The following PISD variants were observed in gnomAD, a reference collection of about 807,000 sequenced individuals.
PISD encodes phosphatidylserine decarboxylase proenzyme, mitochondrial.
Under a neutral mutation model 43.5 loss-of-function variants are expected in PISD, and 31 were observed. That is an observed-to-expected ratio of 0.71 (90% CI 0.54 to 0.96). PISD has a LOEUF of 0.96. Ranked by LOEUF, PISD falls within the 40% of genes least tolerant of loss-of-function variation. The pLI is 0.00. For synonymous variants in PISD, 259 were observed against 228.7 expected (o/e 1.13, Z -1.20); for missense variants, 523 against 548.4 (o/e 0.95, Z 0.46).
intron 1 of PISD, among the ~76,000 whole-genome samples, chr22:31,654,505 A>G (rs892007433): frequency 6.6e-6 from 1 of 152,146 alleles, no homozygotes; most frequent in African/African-American, 2.4e-5. Context: ...TGTAGAAGAC[A>G]GGATTCCCGA....
chr22:31,645,855 T>A lies in PISD; in HGVS notation c.321+2246A>T, dbSNP rs5998065. The stretch of plus-strand genomic sequence containing the variant: ...CTGGGCAACAGAGTGAGACTCCATC[T>A]AAAAAAAAAAAAAAAGAAAAGAAAA... On this transcript the variant is annotated intron_variant, in intron 3 of 7. Transcript: ENST00000439502. 5.3e-3 allele frequency among the ~76,000 whole-genome samples: 571 copies of A among 108,116 alleles called. 9 individuals are homozygous for A. Among genetic ancestry groups the A allele is most frequent in the African/African-American group, 0.016 (494 of 29,962 alleles). 70.9% of individuals were successfully genotyped at this position (108,116 alleles called of 152,430 possible).
chr22:31,629,242 G>A (rs1190476261), intron 3 of PISD: 1 of 984,968 alleles, frequency 1.0e-6, no homozygotes, highest in Non-Finnish European at 1.2e-6. Flanking sequence ...GTGAGGGGTA[G>A]GTGCATGTAG....
chr22:31,632,242 G>A, intron 3 of PISD: 6 of 985,226 alleles, frequency 6.1e-6, no homozygotes, highest in Non-Finnish European at 7.2e-6. Flanking sequence ...GCGGCAGGGG[G>A]AAGAAGACAG....
intron 1 of PISD, among the ~76,000 whole-genome samples, chr22:31,655,076 C>CAAAA (rs1038608958): frequency 2.0e-3 from 112 of 57,084 alleles, no homozygotes; most frequent in Non-Finnish European, 2.9e-3. Context: ...ACTCTATCTC[C>CAAAA]AAAAAAAAAA....
In PISD at chr22:31,640,301, A is replaced by G. The variant is rs560778009; in HGVS notation, c.321+7800T>C. Among the ~76,000 whole-genome samples, 272 of 150,952 alleles carry G rather than the reference A, an allele frequency of 1.8e-3. 1 individual carries two copies. The highest frequency in any genetic ancestry group is 5.8e-3 in the African/African-American group (237 of 41,024). ...GCAACCTCTACCTCCTGGCTCAAGCAATCCTCCCACCTCAGCCTCCCAAGT... is the reference window on the plus strand; with the variant it reads ...GCAACCTCTACCTCCTGGCTCAAGCGATCCTCCCACCTCAGCCTCCCAAGT... On this transcript the variant is annotated intron_variant, in intron 3 of 7. Coordinates refer to ENST00000439502, the MANE Select transcript of PISD (RefSeq NM_001326411.2).
At chr22:31,655,237 C>T (rs753252317) in intron 1 of PISD, among the ~76,000 whole-genome samples, 74 of 151,748 alleles carry the variant, frequency 4.9e-4, no homozygotes, top group Non-Finnish European at 5.3e-4. Context: ...TTATCTGTTA[C>T]AGTACCAACA....
intron 1 of PISD, 90 bp downstream of exon 1, chr22:31,662,054 C>G: frequency 8.0e-7 from 1 of 1,246,700 alleles, no homozygotes; most frequent in South Asian, 1.2e-5. Flanking sequence ...CGCCTCAGAG[C>G]GAGCCCGCGA....
intron 3 of PISD, chr22:31,628,295 C>T: frequency 1.7e-6 from 1 of 581,938 alleles, no homozygotes. Flanking sequence ...AGCAGTGTTT[C>T]TGGCCTCCCT....
intron 3 of PISD, among the ~76,000 whole-genome samples, chr22:31,645,816 C>A (rs1431102581): frequency 1.4e-5 from 2 of 147,270 alleles, no homozygotes; most frequent in African/African-American, 5.0e-5. Context: ...AAGATTGCGC[C>A]ATTGCCTTCC....
At chr22:31,633,414 G>C (rs1309917465) in intron 3 of PISD, among the ~76,000 whole-genome samples, 1 of 152,182 alleles carries the variant, frequency 6.6e-6, no homozygotes, top group Non-Finnish European at 1.5e-5. Flanking sequence ...AGGCAGATGG[G>C]TGTTTAAAAA....
chr22:31,634,432 A>C (rs1307341390), intron 3 of PISD, among the ~76,000 whole-genome samples: 1 of 152,182 alleles, frequency 6.6e-6, no homozygotes. Context: ...TGGCAGTCCC[A>C]CTAGCCTGCA....
chr22:31,629,588 A>G, intron 3 of PISD: 1 of 48,772 alleles, frequency 2.1e-5, no homozygotes, highest in Non-Finnish European at 3.8e-5. Context: ...ATGGGTGTGT[A>G]GGTGCAAGGG....
chr22:31,627,815 C>T (rs955795081), intron 3 of PISD, among the ~76,000 whole-genome samples: 1 of 152,218 alleles, frequency 6.6e-6, no homozygotes, highest in African/African-American at 2.4e-5. Context: ...GCAGGTTCCC[C>T]TGTGAGCCTT....
chr22:31,635,587 A>G (rs1257101307), intron 3 of PISD, among the ~76,000 whole-genome samples: 2 of 152,136 alleles, frequency 1.3e-5, no homozygotes, highest in East Asian at 3.9e-4. Context: ...GTCAGCCACC[A>G]TGCCCCGCTG....
At chr22:31,659,677 C>T (rs538650354) in intron 1 of PISD, among the ~76,000 whole-genome samples, 17 of 152,024 alleles carry the variant, frequency 1.1e-4, no homozygotes, top group South Asian at 8.3e-4. Flanking sequence ...CTGCAACTTC[C>T]GCCTCCCGGG....
rs759191818 is a variant in PISD at position 31,619,699 on chromosome 22, C to T, written c.1143G>A (p.Val381=). ...LGEFNLGSTI[V]LIFEAPKDFN... is the part of the protein sequence containing the mutation. ...AGTCCTTGGGGGCCTCGAAGATGAGCACGATGGTGGAGCCCAGGTTGAACT... is the reference window on the plus strand; with the variant it reads ...AGTCCTTGGGGGCCTCGAAGATGAGTACGATGGTGGAGCCCAGGTTGAACT... The change falls in exon 8 of 8, where the codon GTG becomes GTA. Residue 381 remains valine (V), a synonymous_variant. Coordinates refer to ENST00000439502, the MANE Select transcript of PISD (RefSeq NM_001326411.2). 1.9e-5 allele frequency: 31 copies of T among 1,614,122 alleles called. No homozygotes were observed. The Admixed American group carries it at 3.5e-4, about 18-fold the overall frequency.
At chr22:31,640,399 G>A (rs991828293) in intron 3 of PISD, among the ~76,000 whole-genome samples, 5 of 151,562 alleles carry the variant, frequency 3.3e-5, no homozygotes, top group African/African-American at 9.7e-5. Context: ...GTTTCACCAC[G>A]TTGCGCGGAT....
intron 3 of PISD, chr22:31,623,811 C>T: frequency 6.2e-7 from 1 of 1,613,968 alleles, no homozygotes; most frequent in Non-Finnish European, 8.5e-7. Flanking sequence ...GCTCAGCTGC[C>T]CCAGCCTCCG....
chr22:31,629,882 C>A (rs2073114952), intron 3 of PISD: 1 of 152,064 alleles, frequency 6.6e-6, no homozygotes, highest in Non-Finnish European at 1.5e-5. Flanking sequence ...TGATGGGAAG[C>A]GCCTGGAACG....
Sources: gnomAD v4.1 joint callset for allele counts (sites outside exome capture counted in the v4.1 genomes callset) on GRCh38, gnomAD v4.1.1 for gene constraint, MANE v1.5 for transcripts, NCBI Gene and HGNC (gene_info 2026-07-23, HGNC 2026-07-21) for gene names.